Variants in SLC4A8 observed in about 807,000 individuals in gnomAD.
SLC4A8 encodes the protein solute carrier family 4 member 8.
In SLC4A8, 40 loss-of-function variants were observed where a neutral mutation model predicts 125.0. The observed-to-expected ratio is 0.32, with a 90% CI of 0.25 to 0.42. The LOEUF is 0.42. Ranked by LOEUF, SLC4A8 falls within the 10% of genes least tolerant of loss-of-function variation. SLC4A8 has a pLI of 1.00. For synonymous variants in SLC4A8, 456 were observed against 476.0 expected, an observed-to-expected ratio of 0.96 and a Z score of 0.55; for missense variants, 863 against 1,355.1, an observed-to-expected ratio of 0.64 and a Z score of 5.70.
chr12:51,481,968 CA>C (rs893175028), intron 16 of SLC4A8, among the ~76,000 whole-genome samples: 1 of 151,118 alleles, frequency 6.6e-6, no homozygotes, highest in Non-Finnish European at 1.5e-5. Context: ...AAAACAAAAC[CA>C]AAAAAAACAA....
intron 9 of SLC4A8, 112 bp from the exon 10 acceptor site, chr12:51,462,198 C>T: frequency 1.0e-6 from 1 of 993,698 alleles, no homozygotes; most frequent in Non-Finnish European, 1.6e-6. Flanking sequence ...TCTCAGATCC[C>T]CGTGACAGAG....
At chr12:51,444,322 T>G (rs1292795872) in intron 2 of SLC4A8, among the ~76,000 whole-genome samples, 1 of 152,184 alleles carries the variant, frequency 6.6e-6, no homozygotes, top group Non-Finnish European at 1.5e-5. Context: ...GCTTTAGAAC[T>G]CCCAGACTAG....
At chr12:51,428,310 T>C (rs1949068898) in intron 1 of SLC4A8, among the ~76,000 whole-genome samples, 1 of 152,170 alleles carries the variant, frequency 6.6e-6, no homozygotes, top group East Asian at 1.9e-4. Flanking sequence ...AGTTAGAAGC[T>C]TCTTGAGGGC....
chr12:51,488,571 C>CTT (rs10706140), intron 17 of SLC4A8, 128 bp from the exon 18 acceptor site: 320 of 507,504 alleles, frequency 6.3e-4, no homozygotes, highest in Admixed American at 1.2e-3. Flanking sequence ...TATTTCATGC[C>CTT]TTTTTTTTTT....
At chr12:51,442,559 T>C (rs1949634570) in intron 2 of SLC4A8, among the ~76,000 whole-genome samples, 1 of 152,216 alleles carries the variant, frequency 6.6e-6, no homozygotes, top group South Asian at 2.1e-4. Flanking sequence ...TCTTTATGCA[T>C]GTTCTACTTT....
At chr12:51,411,325 C>T (rs1452543179) in intron 1 of SLC4A8, among the ~76,000 whole-genome samples, 2 of 152,054 alleles carry the variant, frequency 1.3e-5, no homozygotes, top group Non-Finnish European at 1.5e-5. Flanking sequence ...CAGTGGCTCA[C>T]ACCTGTAATC....
chr12:51,500,817 G>T (rs1271908134), intron 22 of SLC4A8, among the ~76,000 whole-genome samples: 2 of 149,384 alleles, frequency 1.3e-5, no homozygotes, highest in African/African-American at 2.5e-5. Flanking sequence ...CTCCCGAGTA[G>T]TCGGGACTAC....
At chr12:51,459,681 C>T (rs1000510879) in intron 7 of SLC4A8, among the ~76,000 whole-genome samples, 13 of 151,806 alleles carry the variant, frequency 8.6e-5, no homozygotes, top group Admixed American at 7.2e-4. Context: ...ACTAGACTGG[C>T]GAAAATGGCA....
chr12:51,442,514 C>T (rs577724590), intron 2 of SLC4A8, among the ~76,000 whole-genome samples: 78 of 152,266 alleles, frequency 5.1e-4, no homozygotes, highest in East Asian at 3.9e-4. Context: ...GAGTAACTGG[C>T]GGTGGGAGCA....
At position 51,469,652 on chromosome 12, in the gene SLC4A8, C is replaced by T. The variant is rs1950633855; in HGVS notation, c.1388C>T (p.Ala463Val). The change falls in exon 12 of 25, where the codon GCC becomes GTC. Residue 463 changes from alanine (A) to valine (V), a missense_variant. By Grantham distance (64) the Ala-to-Val change is moderately conservative (BLOSUM62 0). This residue lies in a region of SLC4A8 where 390 missense variants were observed against 634.4 expected (regional missense o/e 0.61). Transcript: ENST00000453097. ...TTGGTGCTGGACATCAAGCGGAAGG[C>T]CCCCTGGTACTGGAGCGACTACCGA... is the stretch of plus-strand genomic sequence containing the variant. The part of the protein sequence containing the change: ...GGLVLDIKRK[A>V]PWYWSDYRDA... 4 of 1,610,594 alleles carry T rather than the reference C, an allele frequency of 2.5e-6. No individual in the cohort carries two copies. Among genetic ancestry groups the T allele is most frequent in the Non-Finnish European group, 3.4e-6 (4 of 1,178,892 alleles).
rs1207065426 is a variant in SLC4A8 at position 51,400,779 on chromosome 12, C to CAT, written c.-112+9293_-112+9294dup. On this transcript the variant is annotated intron_variant, in intron 1 of 24. Transcript: ENST00000358657. Reference sequence around the variant, plus strand: ...ATATATATATATATATATATATATACATACATACACACACACACACACATA... The same window carrying CAT: ...ATATATATATATATATATATATATACATATACATACACACACACACACACATA... 1.7e-4 allele frequency among the ~76,000 whole-genome samples: 4 copies of CAT among 23,288 alleles called. No homozygotes were observed. In the South Asian group the frequency reaches 0.013, roughly 76 times the overall value. 15.3% of individuals were successfully genotyped at this position (23,288 alleles called of 152,430 possible). A position where few individuals can be genotyped will look rare whatever the true frequency, so the allele number is the denominator to read the frequency against.
intron 4 of SLC4A8, among the ~76,000 whole-genome samples, chr12:51,452,875 T>C (rs1950010902): frequency 6.6e-6 from 1 of 152,184 alleles, no homozygotes; most frequent in Non-Finnish European, 1.5e-5. Context: ...CCAGTGAACC[T>C]TACGGATGAT....
At chr12:51,446,104 A>T (rs566521343) in intron 2 of SLC4A8, among the ~76,000 whole-genome samples, 1 of 152,332 alleles carries the variant, frequency 6.6e-6, no homozygotes, top group South Asian at 2.1e-4. Flanking sequence ...TATAGTTTAT[A>T]CTGATAATGT....
intron 11 of SLC4A8, 63 bp from the exon 12 acceptor site, chr12:51,469,551 G>A: frequency 1.4e-6 from 2 of 1,427,480 alleles, no homozygotes; most frequent in Non-Finnish European, 2.0e-6. Flanking sequence ...TCAAATGTGT[G>A]CTGTTTACAT....
Position 51,497,139 on chromosome 12 carries a change from A to G in SLC4A8, c.3081+15A>G. ...AGGAGGAAGAGGTCATAGTCCTTGC[A>G]CCAACTGTATACCTGGGGGCCTCAA... On this transcript the variant is annotated intron_variant, in intron 22 of 24. Transcript: ENST00000453097. The G allele has an allele frequency of 6.2e-7, 1 of 1,603,676 alleles. No individual in the cohort carries two copies. The highest frequency in any genetic ancestry group is 8.5e-7 in the Non-Finnish European group (1 of 1,177,266).
intron 22 of SLC4A8, among the ~76,000 whole-genome samples, chr12:51,498,367 A>G (rs1424279088): frequency 1.3e-5 from 2 of 152,132 alleles, no homozygotes; most frequent in Non-Finnish European, 2.9e-5. Flanking sequence ...ACAAATGACC[A>G]GTTGCCTTAT....
At chr12:51,502,084 C>T (rs545512178) in intron 22 of SLC4A8, 2 of 152,266 alleles carry the variant, frequency 1.3e-5, no homozygotes, top group Admixed American at 6.5e-5. Context: ...CCTGGGAATA[C>T]ACCTAATCAA....
chr12:51,509,887 T>TGAA lies in SLC4A8; in HGVS notation c.*2452_*2454dup, dbSNP rs1565830441. 6.6e-6 allele frequency: 1 copy of TGAA among 152,182 alleles called. No homozygotes were observed. The highest frequency in any genetic ancestry group is 1.5e-5 in the Non-Finnish European group (1 of 68,016). The allele number at this position is 152,182 out of a possible 1,614,324, so 9.4% of individuals were successfully genotyped here. A position where few individuals can be genotyped will look rare whatever the true frequency, so the allele number is the denominator to read the frequency against. On this transcript the variant is annotated 3_prime_UTR_variant, in exon 25 of 25. Transcript: ENST00000453097. ...TGAACTCCATGGGGAAGATTGTGAG[T>TGAA]GAAGATGGGAAGGAATTTGGGTGGT...
chr12:51,500,843 C>A (rs1267344322), intron 22 of SLC4A8, among the ~76,000 whole-genome samples: 8 of 138,274 alleles, frequency 5.8e-5, no homozygotes, highest in African/African-American at 1.3e-4. Flanking sequence ...CTCGCCCCTG[C>A]GCCTGGCTTT....
Sources: gnomAD v4.1 joint callset for allele counts (sites outside exome capture counted in the v4.1 genomes callset) on GRCh38, gnomAD v4.1.1 for gene constraint, gnomAD v4.1.1 regional missense constraint, MANE v1.5 for transcripts, NCBI Gene and HGNC (gene_info 2026-07-23, HGNC 2026-07-21) for gene names.